The following NUCB1 variants were observed in gnomAD, a reference collection of about 807,000 sequenced individuals.
NUCB1 encodes the protein nucleobindin-1.
NUCB1 carries 47 observed loss-of-function variants against 61.2 expected under a neutral mutation model. That is an observed-to-expected ratio of 0.77 (90% CI 0.61 to 0.98). The LOEUF is 0.98. Among genes scored for constraint, NUCB1 ranks in the 50% least tolerant of loss-of-function variants. The pLI, the probability that NUCB1 is intolerant of heterozygous loss-of-function variation, is 0.00. For synonymous variants in NUCB1, 234 were observed against 243.1 expected (o/e 0.96, Z 0.35); for missense variants, 583 against 605.3 (o/e 0.96, Z 0.39).
At chr19:48,915,200 C>T (rs532514001) in intron 7 of NUCB1, among the ~76,000 whole-genome samples, 3 of 152,036 alleles carry the variant, frequency 2.0e-5, no homozygotes, top group African/African-American at 2.4e-5. Context: ...GGTTCTAGGC[C>T]GGGTGTGGTG....
intron 10 of NUCB1, among the ~76,000 whole-genome samples, chr19:48,920,318 C>A (rs2037594842): frequency 6.6e-6 from 1 of 152,004 alleles, no homozygotes; most frequent in Admixed American, 6.6e-5. Flanking sequence ...TAATCTAGCT[C>A]ATTCTTTTAT....
Position 48,905,902 on chromosome 19 carries a change from C to A in NUCB1, c.376+17C>A. 3 of 305,290 alleles carry A rather than the reference C, an allele frequency of 9.8e-6. No individual in the cohort carries two copies. The highest frequency in any genetic ancestry group is 1.9e-5 in the Non-Finnish European group (3 of 161,994). 18.9% of individuals were successfully genotyped at this position (305,290 alleles called of 1,614,324 possible). A position where few individuals can be genotyped will look rare whatever the true frequency, so the allele number is the denominator to read the frequency against. On this transcript the variant is annotated intron_variant, in intron 4 of 12. Transcript: ENST00000405315. ...AGGATCCCAGTGAGCAGGGGCAGGG[C>A]GGGAGGGACAGGCAGGGAGGGGTGG...
At chr19:48,914,797 T>A (rs10403687) in intron 7 of NUCB1, among the ~76,000 whole-genome samples, 82,883 of 147,390 alleles carry the variant, frequency 0.56, 24,261 homozygotes, top group South Asian at 0.73. Context: ...AAAAAAAAAA[T>A]AGACCAGGCG....
At position 48,918,611 on chromosome 19, in the gene NUCB1, G is replaced by A. The variant is rs1285214762; in HGVS notation, c.758-115G>A. 1.3e-5 allele frequency: 11 copies of A among 818,562 alleles called. No homozygotes were observed. In the East Asian group the frequency reaches 2.7e-4, roughly 20 times the overall value. The allele number at this position is 818,562 out of a possible 1,614,324, so 50.7% of individuals were successfully genotyped here. A position where few individuals can be genotyped will look rare whatever the true frequency, so the allele number is the denominator to read the frequency against. ...GCCACCGTTCCACCGCGGGAGACCCGTAGTTACCTGTCCTCTGATAACAGA... is the reference window on the plus strand; with the variant it reads ...GCCACCGTTCCACCGCGGGAGACCCATAGTTACCTGTCCTCTGATAACAGA... On this transcript the variant is annotated intron_variant, in intron 7 of 12. Transcript: ENST00000405315.
At chr19:48,913,282 C>G (rs2037500050) in intron 6 of NUCB1, 86 bp downstream of exon 6, 4 of 1,382,878 alleles carry the variant, frequency 2.9e-6, no homozygotes, top group Non-Finnish European at 3.8e-6. Context: ...CTACAATTCC[C>G]AGGGGCCCTT....
At chr19:48,905,920 A>AGGGGGGGGGGGGAAAAGGAGGGGG in intron 4 of NUCB1, 35 bp downstream of exon 4, 1 of 473,426 alleles carries the variant, frequency 2.1e-6, no homozygotes. Context: ...ACAGGCAGGG[A>AGGGGGGGGGGGGAAAAGGAGGGGG]GGGGTGGGGA....
chr19:48,919,129 T>TG lies in NUCB1; in HGVS notation c.909+12dup, dbSNP rs2037576451. 4 of 1,613,610 alleles carry TG rather than the reference T, an allele frequency of 2.5e-6. No homozygotes were observed. The highest frequency in any genetic ancestry group is 1.7e-5 in the Admixed American group (1 of 59,924). The stretch of plus-strand genomic sequence containing the variant: ...GGAGCATGTGATGAAGAATGTGAGG[T>TG]GGGGGCCAGGCGGGGGAGAGGACGG... On this transcript the variant is annotated splice_region_variant and intron_variant, in intron 9 of 12. Coordinates refer to ENST00000405315, the MANE Select transcript of NUCB1 (RefSeq NM_006184.6).
intron 5 of NUCB1, among the ~76,000 whole-genome samples, chr19:48,912,225 T>C (rs56355616): frequency 0.12 from 17,708 of 151,730 alleles, 1,215 homozygotes; most frequent in Non-Finnish European, 0.15. Context: ...AAGGTCTCGC[T>C]GTGTTATGTG....
chr19:48,921,717 C>T (rs973129042), intron 11 of NUCB1, 110 bp from the exon 12 acceptor site: 85 of 1,012,374 alleles, frequency 8.4e-5, no homozygotes, highest in Non-Finnish European at 1.2e-4. Context: ...AGGGGTTGGC[C>T]GTGACCACTT....
At chr19:48,918,871 A>G (rs1383804422) in intron 8 of NUCB1, 87 bp downstream of exon 8, 3 of 1,388,682 alleles carry the variant, frequency 2.2e-6, no homozygotes, top group Non-Finnish European at 3.0e-6. Flanking sequence ...ATCCCCCTGG[A>G]TGGGAGCTCA....
Position 48,912,918 on chromosome 19 carries a change from G to A in NUCB1, c.481-93G>A, listed in dbSNP as rs2037492541. 4.4e-6 allele frequency: 4 copies of A among 903,556 alleles called. No individual in the cohort carries two copies. In the South Asian group the frequency reaches 6.1e-5, roughly 14 times the overall value. 56.0% of individuals were successfully genotyped at this position (903,556 alleles called of 1,614,324 possible). The stretch of plus-strand genomic sequence containing the variant: ...CAGGTAGAGGCTGGGGCTGCCCTCA[G>A]CCAGGTTCAGGGCCAAGGGCCTGCC... On this transcript the variant is annotated intron_variant, in intron 5 of 12. Transcript: ENST00000405315.
At chr19:48,902,420 CTTTTT>C (rs58758940) in intron 2 of NUCB1, among the ~76,000 whole-genome samples, 1 of 130,000 alleles carries the variant, frequency 7.7e-6, no homozygotes. Flanking sequence ...TTTCCTTTTT[CTTTTT>C]TTTTTTTTTT....
At chr19:48,916,006 A>G (rs920476104) in intron 7 of NUCB1, among the ~76,000 whole-genome samples, 2 of 152,000 alleles carry the variant, frequency 1.3e-5, no homozygotes, top group African/African-American at 4.8e-5. Context: ...CTGTCATGCA[A>G]CCAATTCTGA....
chr19:48,907,885 G>A (rs184540680), intron 4 of NUCB1, among the ~76,000 whole-genome samples: 246 of 152,012 alleles, frequency 1.6e-3, no homozygotes, highest in African/African-American at 5.3e-3. Flanking sequence ...AGAAATTGCT[G>A]GCGTGCAGCC....
In NUCB1 at chr19:48,919,204, A is replaced by G; in HGVS notation, c.920A>G (p.Asn307Ser). The G allele has an allele frequency of 6.2e-7, 1 of 1,614,124 alleles. No individual in the cohort carries two copies. Among genetic ancestry groups the G allele is most frequent in the Non-Finnish European group, 8.5e-7 (1 of 1,179,996 alleles). Residue 307 changes from asparagine to serine, a missense_variant, in exon 10 of 13, where the codon AAC becomes AGC. Physicochemically the swap from Asn to Ser is conservative, Grantham distance 46. Transcript: ENST00000405315. ...TATCTGGCTCCCCAGGTGGACACCA[A>G]CCAGGACCGCCTCGTGACCCTGGAG... Reference protein sequence around the residue: ...REHVMKNVDTNQDRLVTLEEF... With the variant: ...REHVMKNVDTSQDRLVTLEEF...
At chr19:48,918,504 C>T (rs949156023) in intron 7 of NUCB1, 10 of 562,662 alleles carry the variant, frequency 1.8e-5, no homozygotes, top group Non-Finnish European at 2.9e-5. Flanking sequence ...CGAACCCTCC[C>T]TTTGATCTAT....
chr19:48,907,313 T>C (rs1273209802), intron 4 of NUCB1, among the ~76,000 whole-genome samples: 1 of 139,902 alleles, frequency 7.1e-6, no homozygotes, highest in African/African-American at 2.7e-5. Context: ...TCTTGCTCTG[T>C]CTCCCAGGCT....
At chr19:48,905,411 T>C (rs1334184499) in intron 3 of NUCB1, among the ~76,000 whole-genome samples, 1 of 152,142 alleles carries the variant, frequency 6.6e-6, no homozygotes, top group Non-Finnish European at 1.5e-5. Flanking sequence ...GCTAATTTTG[T>C]ATTGTTTCTA....
intron 5 of NUCB1, among the ~76,000 whole-genome samples, chr19:48,912,480 A>G (rs1240820985): frequency 1.3e-5 from 2 of 152,070 alleles, no homozygotes; most frequent in African/African-American, 2.4e-5. Flanking sequence ...AACCGTCCCA[A>G]TCTGTTTTGA....
Sources: allele counts gnomAD v4.1 joint callset (sites outside exome capture counted in the v4.1 genomes callset), GRCh38; gene constraint gnomAD v4.1.1; transcripts MANE v1.5; gene names NCBI Gene and HGNC (gene_info 2026-07-23, HGNC 2026-07-21).